The following KRABD4 variants were observed in gnomAD, a reference collection of about 807,000 sequenced individuals.
KRABD4 encodes the protein KRAB domain-containing protein 4.
chrX:46,456,662 G>C, the KRABD4 span: 1 of 276,267 alleles, frequency 3.6e-6, no homozygotes, highest in Non-Finnish European at 6.9e-6. Context: ...GAAGCATAAC[G>C]AGCAAACTAA....
chrX:46,454,967 A>C, the KRABD4 span: 1 of 234,872 alleles, frequency 4.3e-6, no homozygotes, highest in East Asian at 9.5e-5. Context: ...AAGATTGGAC[A>C]CCCCTGCTCT....
At chrX:46,452,089 C>T in the KRABD4 span, among the ~76,000 whole-genome samples, 2 of 111,914 alleles carry the variant, frequency 1.8e-5, no homozygotes, top group Non-Finnish European at 3.8e-5. Context: ...GGACTACAGG[C>T]ACATGCCACC....
chrX:46,455,012 C>A, the KRABD4 span: 1 of 328,018 alleles, frequency 3.0e-6, no homozygotes, highest in Non-Finnish European at 5.4e-6. Flanking sequence ...GTCTTACTTA[C>A]TTCATTGTCA....
the KRABD4 span, among the ~76,000 whole-genome samples, chrX:46,468,562 G>A: frequency 9.0e-6 from 1 of 110,546 alleles, no homozygotes; most frequent in Non-Finnish European, 1.9e-5. Context: ...AATGTTAATA[G>A]TAAGAATTTC....
At chrX:46,455,360 C>T in the KRABD4 span, 1 of 481,951 alleles carries the variant, frequency 2.1e-6, no homozygotes, top group Non-Finnish European at 3.7e-6. Flanking sequence ...GCTTCTAAGT[C>T]CTATTCATCC....
chrX:46,462,048 G>C, the KRABD4 span, among the ~76,000 whole-genome samples: 34 of 111,912 alleles, frequency 3.0e-4, no homozygotes, highest in African/African-American at 1.0e-3. Flanking sequence ...GGACTTACCA[G>C]CCCGGCCTCT....
the KRABD4 span, chrX:46,471,064 C>T: frequency 9.3e-7 from 1 of 1,072,290 alleles, no homozygotes; most frequent in African/African-American, 1.9e-5. Context: ...GGTTTTCTGT[C>T]TACTTGTTCT....
chrX:46,461,213 T>A, the KRABD4 span, among the ~76,000 whole-genome samples: 1 of 111,278 alleles, frequency 9.0e-6, no homozygotes, highest in African/African-American at 3.3e-5. Flanking sequence ...TGGGGTTTTC[T>A]GAGCACATTG....
the KRABD4 span, among the ~76,000 whole-genome samples, chrX:46,459,325 GAAA>G: frequency 0.021 from 2,001 of 94,630 alleles, 52 homozygotes; most frequent in African/African-American, 0.073. Flanking sequence ...AAAAAAAAAA[GAAA>G]AAAAAAAAAG....
At chrX:46,462,705 C>A in the KRABD4 span, 1 of 1,210,846 alleles carries the variant, frequency 8.3e-7, no homozygotes, top group South Asian at 1.8e-5. Flanking sequence ...TCCCAGTGCC[C>A]CAGGCTGGTC....
At chrX:46,469,361 G>T in the KRABD4 span, among the ~76,000 whole-genome samples, 1 of 112,105 alleles carries the variant, frequency 8.9e-6, no homozygotes, top group Non-Finnish European at 1.9e-5. Context: ...TTTTATTTCA[G>T]TAATATTTGA....
the KRABD4 span, chrX:46,455,477 A>G: frequency 8.1e-3 from 3,448 of 427,303 alleles, 78 homozygotes; most frequent in African/African-American, 0.071. Flanking sequence ...CCTTTTTTAA[A>G]TCTGTATTTC....
chrX:46,452,299 A>C, the KRABD4 span, among the ~76,000 whole-genome samples: 1,203 of 91,612 alleles, frequency 0.013, 20 homozygotes, highest in African/African-American at 0.042. Flanking sequence ...TTTTTTTTTT[A>C]ACGAACTTTT....
the KRABD4 span, among the ~76,000 whole-genome samples, chrX:46,465,115 G>C: frequency 8.9e-6 from 1 of 112,476 alleles, no homozygotes; most frequent in Non-Finnish European, 1.9e-5. Context: ...CTTATTTTTA[G>C]TTCCTTTATT....
the KRABD4 span, among the ~76,000 whole-genome samples, chrX:46,453,343 A>G: frequency 1.8e-5 from 2 of 112,298 alleles, no homozygotes; most frequent in African/African-American, 3.2e-5. Flanking sequence ...ACTCTTCTAC[A>G]TCATATAAAA....
chrX:46,471,770 G>A, the KRABD4 span, among the ~76,000 whole-genome samples: 13 of 111,999 alleles, frequency 1.2e-4, no homozygotes, highest in Non-Finnish European at 1.9e-4. Flanking sequence ...AGCAATATGC[G>A]TTTAAGTTTC....
chrX:46,455,035 T>G, the KRABD4 span: 3 of 353,010 alleles, frequency 8.5e-6, no homozygotes, highest in African/African-American at 8.0e-5. Context: ...TGTGGAGTGT[T>G]TACTATTTTC....
chrX:46,472,397 T>G, the KRABD4 span: 1 of 169,574 alleles, frequency 5.9e-6, no homozygotes, highest in Non-Finnish European at 1.1e-5. Flanking sequence ...GGCCTAGAAT[T>G]CACCTCACAC....
the KRABD4 span, chrX:46,463,352 C>T: frequency 2.7e-6 from 3 of 1,115,651 alleles, no homozygotes; most frequent in African/African-American, 1.8e-5. Context: ...TTGGTGAGAG[C>T]TTGGCCTCTG....
Sources: allele counts gnomAD v4.1 joint callset (sites outside exome capture counted in the v4.1 genomes callset), GRCh38; gene constraint gnomAD v4.1.1; transcripts MANE v1.5; gene names NCBI Gene and HGNC (gene_info 2026-07-23, HGNC 2026-07-21).